Variants in RAB3C observed in about 807,000 individuals in gnomAD.
The protein encoded by RAB3C is RAB3C, member RAS oncogene family.
In RAB3C, 17 loss-of-function variants were observed where a neutral mutation model predicts 26.4. The ratio of observed to expected loss-of-function variants is 0.64; its 90% CI spans 0.44 to 0.97. RAB3C has a LOEUF of 0.97. Among genes scored for constraint, RAB3C ranks in the 50% least tolerant of loss-of-function variants. The pLI is 0.00. For missense variants in RAB3C, 242 were observed against 281.9 expected, an observed-to-expected ratio of 0.86 and a Z score of 1.01; for synonymous variants, 91 against 95.9, an observed-to-expected ratio of 0.95 and a Z score of 0.30.
chr5:58,629,757 G>T (rs1401306239), intron 2 of RAB3C, among the ~76,000 whole-genome samples: 1 of 152,174 alleles, frequency 6.6e-6, no homozygotes. Context: ...TGCATATTTT[G>T]CTTTCTTTGA....
At chr5:58,767,766 G>A (rs1296429797) in intron 3 of RAB3C, among the ~76,000 whole-genome samples, 1 of 152,158 alleles carries the variant, frequency 6.6e-6, no homozygotes, top group Non-Finnish European at 1.5e-5. Context: ...CTACTATTAT[G>A]TCACGCATTG....
chr5:58,760,926 T>C (rs1315725056), intron 3 of RAB3C, among the ~76,000 whole-genome samples: 6 of 152,188 alleles, frequency 3.9e-5, no homozygotes, highest in Admixed American at 1.3e-4. Context: ...TCCAGTTAAA[T>C]AGATAACGAG....
At chr5:58,622,774 C>T (rs1011432789) in intron 2 of RAB3C, among the ~76,000 whole-genome samples, 9 of 152,130 alleles carry the variant, frequency 5.9e-5, no homozygotes, top group African/African-American at 1.9e-4. Context: ...TATTAGCTCT[C>T]TTTTATAGCA....
intron 2 of RAB3C, among the ~76,000 whole-genome samples, chr5:58,660,814 A>G (rs1432412577): frequency 6.7e-6 from 1 of 150,188 alleles, no homozygotes; most frequent in Non-Finnish European, 1.5e-5. Context: ...TAAGGAAAAA[A>G]GAGAGAGCAT....
chr5:58,657,321 C>T (rs904817612), intron 2 of RAB3C, among the ~76,000 whole-genome samples: 1 of 151,738 alleles, frequency 6.6e-6, no homozygotes, highest in African/African-American at 2.4e-5. Flanking sequence ...GCACCAAAAT[C>T]TCACAAATCA....
At chr5:58,767,499 G>C (rs1241745541) in intron 3 of RAB3C, among the ~76,000 whole-genome samples, 1 of 152,192 alleles carries the variant, frequency 6.6e-6, no homozygotes, top group Non-Finnish European at 1.5e-5. Flanking sequence ...AGTCCTTGCT[G>C]AATTCAAAAA....
At chr5:58,639,529 G>A (rs1440155732) in intron 2 of RAB3C, among the ~76,000 whole-genome samples, 1 of 152,180 alleles carries the variant, frequency 6.6e-6, no homozygotes, top group Non-Finnish European at 1.5e-5. Flanking sequence ...AGAGAGGAGA[G>A]AGAGCCCTGA....
At position 58,806,764 on chromosome 5, in the gene RAB3C, C is replaced by T. The variant is rs189440236; in HGVS notation, c.372-18274C>T. Reference sequence around the variant, plus strand: ...GAACAAAATCACCCCCACTCAAGAACTACTGTGTTAGAATAATCAGATGGA... The same window carrying T: ...GAACAAAATCACCCCCACTCAAGAATTACTGTGTTAGAATAATCAGATGGA... On this transcript the variant is annotated intron_variant, in intron 3 of 4. Transcript: ENST00000282878. 9.9e-5 allele frequency among the ~76,000 whole-genome samples: 15 copies of T among 152,252 alleles called. No individual in the cohort carries two copies. In the East Asian group the frequency reaches 2.1e-3, roughly 22 times the overall value.
chr5:58,818,389 T>C (rs962262279), intron 3 of RAB3C, among the ~76,000 whole-genome samples: 7 of 152,242 alleles, frequency 4.6e-5, no homozygotes, highest in Admixed American at 2.0e-4. Flanking sequence ...CCCAGCTTTT[T>C]TGAGACTCCT....
chr5:58,771,177 T>C (rs879603135), intron 3 of RAB3C, among the ~76,000 whole-genome samples: 3 of 152,122 alleles, frequency 2.0e-5, no homozygotes, highest in South Asian at 2.1e-4. Flanking sequence ...ATGAGTAAGC[T>C]ACCTAAAATT....
At chr5:58,599,384 G>C (rs1746400566) in intron 1 of RAB3C, among the ~76,000 whole-genome samples, 2 of 152,110 alleles carry the variant, frequency 1.3e-5, no homozygotes, top group South Asian at 2.1e-4. Context: ...GACTACATCT[G>C]AATCTAGTCC....
chr5:58,809,742 ATC>A (rs1193281826), intron 3 of RAB3C, among the ~76,000 whole-genome samples: 1 of 152,086 alleles, frequency 6.6e-6, no homozygotes, highest in Non-Finnish European at 1.5e-5. Context: ...CACAAGAGAA[ATC>A]TCTCTGCACC....
intron 4 of RAB3C, among the ~76,000 whole-genome samples, chr5:58,843,322 T>C (rs1743916616): frequency 6.6e-6 from 1 of 152,232 alleles, no homozygotes; most frequent in African/African-American, 2.4e-5. Flanking sequence ...TCCTAATTGA[T>C]AATGCATATG....
intron 2 of RAB3C, among the ~76,000 whole-genome samples, chr5:58,678,421 C>G (rs998092202): frequency 6.6e-6 from 1 of 152,076 alleles, no homozygotes; most frequent in South Asian, 2.1e-4. Context: ...CACATGGAGT[C>G]TGCCTGACCA....
intron 3 of RAB3C, among the ~76,000 whole-genome samples, chr5:58,767,249 C>G (rs1741927519): frequency 6.6e-6 from 1 of 152,140 alleles, no homozygotes; most frequent in African/African-American, 2.4e-5. Flanking sequence ...ATGCAGGCAG[C>G]CAAACCTCAG....
intron 2 of RAB3C, among the ~76,000 whole-genome samples, chr5:58,724,187 T>C (rs1740831640): frequency 6.6e-6 from 1 of 151,800 alleles, no homozygotes; most frequent in African/African-American, 2.4e-5. Context: ...TAAAAGCTAG[T>C]ACTTGCCATT....
chr5:58,799,765 A>T (rs1742762847), intron 3 of RAB3C, among the ~76,000 whole-genome samples: 1 of 152,168 alleles, frequency 6.6e-6, no homozygotes, highest in Non-Finnish European at 1.5e-5. Context: ...CTCTTGTAGC[A>T]TGCTGGGATC....
chr5:58,583,134 G>C lies in RAB3C; in HGVS notation c.-75G>C, dbSNP rs1336919358. 91 of 1,610,288 alleles carry C rather than the reference G, an allele frequency of 5.7e-5. No homozygotes were observed. Among genetic ancestry groups the C allele is most frequent in the Non-Finnish European group, 7.5e-5 (88 of 1,178,770 alleles). ...GAGTGCAGAGTGTGGAGCGTGGAGC[G>C]CCGGGACTGTGCACGCTTGACCGGA... On this transcript the variant is annotated 5_prime_UTR_variant, in exon 1 of 5. Transcript: ENST00000282878.
At chr5:58,765,874 C>T (rs10073241) in intron 3 of RAB3C, among the ~76,000 whole-genome samples, 13 of 152,132 alleles carry the variant, frequency 8.5e-5, no homozygotes, top group African/African-American at 3.1e-4. Context: ...CAGATTTCCT[C>T]TTGCTGTTCT....
Sources: allele counts gnomAD v4.1 joint callset (sites outside exome capture counted in the v4.1 genomes callset), GRCh38; gene constraint gnomAD v4.1.1; transcripts MANE v1.5; gene names NCBI Gene and HGNC (gene_info 2026-07-23, HGNC 2026-07-21).